The following GPR89B variants were observed in gnomAD, a reference collection of about 807,000 sequenced individuals.
The protein encoded by GPR89B is golgi pH regulator B.
Under a neutral mutation model 52.4 loss-of-function variants are expected in GPR89B, and 25 were observed. The observed-to-expected ratio is 0.48, with a 90% CI of 0.35 to 0.67. The LOEUF (loss-of-function observed/expected upper bound fraction) is 0.67, where lower values mean the gene tolerates loss of function less well. Ranked by LOEUF, GPR89B falls within the 30% of genes least tolerant of loss-of-function variation. GPR89B has a pLI of 0.01. For missense variants in GPR89B, 146 were observed against 450.2 expected (o/e 0.32, Z 6.11); for synonymous variants, 52 against 151.2 (o/e 0.34, Z 4.81).
intron 1 of GPR89B, among the ~76,000 whole-genome samples, chr1:147,934,878 T>C (rs1240597536): frequency 6.6e-6 from 1 of 152,152 alleles, no homozygotes; most frequent in African/African-American, 2.4e-5. Flanking sequence ...AATTTAAGAT[T>C]GAATGCTGAA....
chr1:148,013,550 A>C, the GPR89B span, among the ~76,000 whole-genome samples: 1 of 152,026 alleles, frequency 6.6e-6, no homozygotes, highest in African/African-American at 2.4e-5. Flanking sequence ...AGTGTCTTTC[A>C]TGGGTAAGAG....
At chr1:147,990,802 G>A (rs1659009782) in intron 12 of GPR89B, among the ~76,000 whole-genome samples, 2 of 150,758 alleles carry the variant, frequency 1.3e-5, no homozygotes, top group East Asian at 1.9e-4. Context: ...TGTTCCATTG[G>A]TCTGTATCTC....
the GPR89B span, among the ~76,000 whole-genome samples, chr1:148,016,755 T>C: frequency 6.6e-6 from 1 of 151,632 alleles, no homozygotes; most frequent in African/African-American, 2.4e-5. Context: ...AGAAAATAAA[T>C]GCTTCCTTTC....
chr1:147,997,140 G>A (rs1187956459), downstream of GPR89B, among the ~76,000 whole-genome samples: 1 of 152,192 alleles, frequency 6.6e-6, no homozygotes, highest in Admixed American at 6.5e-5. Flanking sequence ...ACCTCATGCA[G>A]AGTACATTCT....
chr1:147,958,308 C>G (rs1349376739), intron 7 of GPR89B, among the ~76,000 whole-genome samples: 1 of 151,758 alleles, frequency 6.6e-6, no homozygotes, highest in African/African-American at 2.4e-5. Context: ...TATTTTGATT[C>G]CCAAGGCTAT....
the GPR89B span, chr1:148,005,617 C>T: frequency 1.3e-5 from 15 of 1,169,668 alleles, no homozygotes; most frequent in Admixed American, 1.5e-4. Flanking sequence ...GATTGCCTCC[C>T]GATTCCTACT....
chr1:147,950,644 T>C (rs1319745976), intron 5 of GPR89B, among the ~76,000 whole-genome samples: 2 of 152,112 alleles, frequency 1.3e-5, no homozygotes, highest in African/African-American at 4.8e-5. Context: ...CTGGGCACCA[T>C]TGAGCACTGA....
At chr1:147,929,600 A>G (rs4600097) in intron 1 of GPR89B, among the ~76,000 whole-genome samples, 1 of 152,182 alleles carries the variant, frequency 6.6e-6, no homozygotes, top group African/African-American at 2.4e-5. Flanking sequence ...AATAACAGAA[A>G]CAGTTACCTT....
At chr1:147,956,910 G>A (rs1264322892) in intron 7 of GPR89B, among the ~76,000 whole-genome samples, 1 of 151,642 alleles carries the variant, frequency 6.6e-6, no homozygotes, top group East Asian at 1.9e-4. Flanking sequence ...GCTTATTTTT[G>A]TATTTTTGGT....
chr1:147,949,401 A>C (rs1571249411), intron 5 of GPR89B, among the ~76,000 whole-genome samples: 4 of 124,756 alleles, frequency 3.2e-5, no homozygotes, highest in Admixed American at 7.7e-5. Flanking sequence ...TGACCCCCCC[A>C]CCTCCCTCCC....
chr1:147,957,420 TA>T, intron 7 of GPR89B, among the ~76,000 whole-genome samples: 1 of 150,806 alleles, frequency 6.6e-6, no homozygotes, highest in East Asian at 2.0e-4. Context: ...CACATATAGC[TA>T]AGGACAACTA....
chr1:148,025,523 CAAAAAAAAAAAA>C, the GPR89B span, among the ~76,000 whole-genome samples: 5 of 29,654 alleles, frequency 1.7e-4, no homozygotes, highest in Non-Finnish European at 2.1e-4. Context: ...AACTCTGTCT[CAAAAAAAAAAAA>C]AAAAAAAAAA....
At chr1:147,951,490 G>T (rs1195522923) in intron 5 of GPR89B, among the ~76,000 whole-genome samples, 1 of 152,012 alleles carries the variant, frequency 6.6e-6, no homozygotes, top group African/African-American at 2.4e-5. Flanking sequence ...TGTCTATTAA[G>T]GAGGAAATAG....
chr1:147,997,899 G>A (rs1192683919), downstream of GPR89B, among the ~76,000 whole-genome samples: 942 of 152,180 alleles, frequency 6.2e-3, 11 homozygotes, highest in African/African-American at 0.021. Flanking sequence ...CCTGGGATCT[G>A]CGCTTATTTA....
the GPR89B span, among the ~76,000 whole-genome samples, chr1:148,006,609 C>T: frequency 6.6e-6 from 1 of 151,990 alleles, no homozygotes; most frequent in Non-Finnish European, 1.5e-5. Context: ...AAATTAGGCA[C>T]AGTAAGAGAT....
At chr1:147,950,757 C>G (rs1655607525) in intron 5 of GPR89B, among the ~76,000 whole-genome samples, 1 of 152,110 alleles carries the variant, frequency 6.6e-6, no homozygotes, top group Non-Finnish European at 1.5e-5. Context: ...ACAGTGAAAC[C>G]CCGTCTCCAC....
At chr1:147,970,508 T>TCC (rs1657354290) in intron 10 of GPR89B, among the ~76,000 whole-genome samples, 12 of 93,796 alleles carry the variant, frequency 1.3e-4, no homozygotes, top group Admixed American at 2.1e-4. Flanking sequence ...TCTCTCTCTC[T>TCC]CTCTCTCTCT....
intron 1 of GPR89B, 183 bp downstream of exon 1, chr1:147,928,761 C>G (rs1485033225): frequency 1.9e-5 from 11 of 593,688 alleles, no homozygotes; most frequent in Non-Finnish European, 2.3e-5. Context: ...CCCCGGCTGT[C>G]AGGAGGCTGG....
At chr1:147,983,618 C>T (rs1658434122) in intron 10 of GPR89B, among the ~76,000 whole-genome samples, 1 of 152,000 alleles carries the variant, frequency 6.6e-6, no homozygotes, top group Non-Finnish European at 1.5e-5. Context: ...AAATCAAAAC[C>T]ACAATGACAT....
Sources: gnomAD v4.1 joint callset for allele counts (sites outside exome capture counted in the v4.1 genomes callset) on GRCh38, gnomAD v4.1.1 for gene constraint, MANE v1.5 for transcripts, NCBI Gene and HGNC (gene_info 2026-07-23, HGNC 2026-07-21) for gene names.